The following A1CF variants were observed in gnomAD, a reference collection of about 807,000 sequenced individuals.
A1CF encodes the protein APOBEC-1 stimulating protein.
A1CF carries 48 observed loss-of-function variants against 68.9 expected under a neutral mutation model. The observed-to-expected ratio is 0.70, with a 90% confidence interval of 0.55 to 0.89. A1CF has a LOEUF of 0.89. Ranked by LOEUF, A1CF falls within the 40% of genes least tolerant of loss-of-function variation. A1CF has a pLI of 0.00. For missense variants in A1CF, 653 were observed against 718.9 expected (o/e 0.91, Z 1.05); for synonymous variants, 272 against 260.4 (o/e 1.04, Z -0.43).
At chr10:50,862,445 T>C (rs533015724) in intron 2 of A1CF, among the ~76,000 whole-genome samples, 1 of 152,286 alleles carries the variant, frequency 6.6e-6, no homozygotes, top group Non-Finnish European at 1.5e-5. Context: ...TAGCTGTTTT[T>C]AGGGACAGAA....
chr10:50,820,700 A>G (rs752384906), intron 7 of A1CF, 51 bp from the exon 8 acceptor site: 14 of 1,485,458 alleles, frequency 9.4e-6, no homozygotes, highest in Non-Finnish European at 1.2e-5. Flanking sequence ...GAGAGCCTTG[A>G]AAGTGATATA....
chr10:50,826,059 A>G (rs2132382317), intron 7 of A1CF, among the ~76,000 whole-genome samples: 1 of 152,260 alleles, frequency 6.6e-6, no homozygotes, highest in Non-Finnish European at 1.5e-5. Flanking sequence ...GGTGAGGCTG[A>G]GAAACCCTGC....
At chr10:50,832,505 A>G (rs180882220) in intron 6 of A1CF, among the ~76,000 whole-genome samples, 60 of 152,320 alleles carry the variant, frequency 3.9e-4, no homozygotes, top group African/African-American at 1.4e-3. Flanking sequence ...GAAGAGCTGC[A>G]TAAGGCTAAG....
At chr10:50,871,028 T>C (rs914786869) in intron 1 of A1CF, among the ~76,000 whole-genome samples, 1 of 151,734 alleles carries the variant, frequency 6.6e-6, no homozygotes, top group Non-Finnish European at 1.5e-5. Context: ...TGAAAGTTAA[T>C]ACCCAGTATT....
At chr10:50,873,539 T>C (rs1366856177) in intron 1 of A1CF, among the ~76,000 whole-genome samples, 1 of 152,210 alleles carries the variant, frequency 6.6e-6, no homozygotes, top group Non-Finnish European at 1.5e-5. Context: ...TATTCTTTAA[T>C]TTTTTGTTCC....
chr10:50,845,965 A>AC (rs1462235202), intron 3 of A1CF, among the ~76,000 whole-genome samples: 1 of 152,098 alleles, frequency 6.6e-6, no homozygotes, highest in Non-Finnish European at 1.5e-5. Flanking sequence ...AAAAAAAAAA[A>AC]AAAACTCCTT....
chr10:50,847,436 A>G lies in A1CF; in HGVS notation c.100-3314T>C, dbSNP rs186918054. Reference sequence around the variant, plus strand: ...GTACTTGGAAATTTCCTCCTATCACAGATATTTCAAGTCCTTCATGATGAA... The same window carrying G: ...GTACTTGGAAATTTCCTCCTATCACGGATATTTCAAGTCCTTCATGATGAA... On this transcript the variant is annotated intron_variant, in intron 3 of 12. Transcript: ENST00000373997. Among the ~76,000 whole-genome samples, 35 of 152,290 alleles carry G rather than the reference A, an allele frequency of 2.3e-4. 1 individual carries two copies. Among genetic ancestry groups the G allele is most frequent in the Admixed American group, 2.3e-3 (35 of 15,292 alleles).
intron 11 of A1CF, among the ~76,000 whole-genome samples, chr10:50,810,335 G>A (rs180846997): frequency 1.6e-4 from 25 of 152,288 alleles, no homozygotes; most frequent in Admixed American, 5.2e-4. Flanking sequence ...AGAAATGCAG[G>A]CTCAAGGTAA....
At chr10:50,820,419 A>G (rs1838591894) in intron 8 of A1CF, 133 bp downstream of exon 8, 1 of 639,808 alleles carries the variant, frequency 1.6e-6, no homozygotes, top group Admixed American at 3.3e-5. Context: ...TCTTTAGTAC[A>G]TCTTAAATGG....
rs1490841237 is a variant in A1CF at position 50,805,144 on chromosome 10, A to G, written c.*1585T>C. 2 of 152,220 alleles carry G rather than the reference A, an allele frequency of 1.3e-5. No individual in the cohort carries two copies. Among genetic ancestry groups the G allele is most frequent in the Non-Finnish European group, 2.9e-5 (2 of 68,034 alleles). The allele number at this position is 152,220 out of a possible 1,614,324, so 9.4% of individuals were successfully genotyped here. ...TGTGATTAAAATTTACCTGATTTTGATTAGAATCTGGCCTGCTTTTTGATC... is the reference window on the plus strand; with the variant it reads ...TGTGATTAAAATTTACCTGATTTTGGTTAGAATCTGGCCTGCTTTTTGATC... On this transcript the variant is annotated 3_prime_UTR_variant, in exon 13 of 13. Transcript: ENST00000373997.
At position 50,800,968 on chromosome 10, in the gene A1CF, A is replaced by C. The variant is rs538003290; in HGVS notation, c.*5761T>G. The C allele has an allele frequency of 6.6e-6, 1 of 152,308 alleles. No individual in the cohort carries two copies. Among genetic ancestry groups the C allele is most frequent in the East Asian group, 1.9e-4 (1 of 5,172 alleles). 9.4% of individuals were successfully genotyped at this position (152,308 alleles called of 1,614,324 possible). ...GTCTGTTTTGGGATAGAAGTAACTC[A>C]ACTCAAGGAAGAAAGAAACCAATAA... On this transcript the variant is annotated 3_prime_UTR_variant, in exon 13 of 13. Coordinates refer to ENST00000373997, the MANE Select transcript of A1CF (RefSeq NM_014576.4).
intron 3 of A1CF, among the ~76,000 whole-genome samples, chr10:50,847,865 A>T (rs1840068686): frequency 6.6e-6 from 1 of 152,122 alleles, no homozygotes; most frequent in South Asian, 2.1e-4. Flanking sequence ...TATCATGACA[A>T]TTATGTGATG....
intron 2 of A1CF, among the ~76,000 whole-genome samples, chr10:50,861,715 A>C (rs963757623): frequency 6.8e-6 from 1 of 147,918 alleles, no homozygotes; most frequent in Non-Finnish European, 1.5e-5. Context: ...CAATAGTAAT[A>C]TATTGTTATA....
chr10:50,811,907 C>G (rs967624681), intron 10 of A1CF, among the ~76,000 whole-genome samples: 1 of 152,122 alleles, frequency 6.6e-6, no homozygotes, highest in African/African-American at 2.4e-5. Flanking sequence ...CTGATGCTCT[C>G]GTTAGTCAGC....
intron 3 of A1CF, among the ~76,000 whole-genome samples, chr10:50,854,938 A>C (rs775412975): frequency 1.1e-4 from 16 of 151,908 alleles, no homozygotes; most frequent in Non-Finnish European, 2.1e-4. Flanking sequence ...AATACACACC[A>C]CATTTTAAAT....
rs1841969613 is a variant in A1CF, at chr10:50,885,602, C to T, written c.-115G>A. ...ATACCTGAGTAATTTCAGAGATCCC[C>T]ACCCGGAAAAGGTTTCCTTGATTAT... On this transcript the variant is annotated 5_prime_UTR_variant, in exon 1 of 13. Coordinates refer to ENST00000373997, the MANE Select transcript of A1CF (RefSeq NM_014576.4). 2 of 152,174 alleles carry T rather than the reference C, an allele frequency of 1.3e-5. No homozygotes were observed. Among genetic ancestry groups the T allele is most frequent in the African/African-American group, 4.8e-5 (2 of 41,442 alleles). 9.4% of individuals were successfully genotyped at this position (152,174 alleles called of 1,614,324 possible). A position where few individuals can be genotyped will look rare whatever the true frequency, so the allele number is the denominator to read the frequency against.
At chr10:50,843,954 G>A (rs752729231) in intron 4 of A1CF, 34 bp downstream of exon 4, 7 of 1,610,400 alleles carry the variant, frequency 4.3e-6, no homozygotes, top group East Asian at 2.2e-5. Context: ...TCCCTTGAAC[G>A]ATAAGAAAAA....
chr10:50,846,278 C>T (rs1168362631), intron 3 of A1CF, among the ~76,000 whole-genome samples: 1 of 152,024 alleles, frequency 6.6e-6, no homozygotes, highest in Non-Finnish European at 1.5e-5. Context: ...TACTTTGGGT[C>T]CCAACTCCAA....
rs746078263 is a variant in A1CF, at chr10:50,850,757, C to T, written c.100-6635G>A. 9.9e-6 allele frequency: 16 copies of T among 1,614,178 alleles called. No homozygotes were observed. In the Middle Eastern group the frequency reaches 1.2e-3, roughly 116 times the overall value. On this transcript the variant is annotated intron_variant, in intron 3 of 12. Coordinates refer to ENST00000373997, the MANE Select transcript of A1CF (RefSeq NM_014576.4). ...GCTGTGCTCATGCTCGCTTCTGGCT[C>T]TGGGCATGTGCCCAGACACACTGCT... is the stretch of plus-strand genomic sequence containing the variant.
Sources: gnomAD v4.1 joint callset for allele counts (sites outside exome capture counted in the v4.1 genomes callset) on GRCh38, gnomAD v4.1.1 for gene constraint, MANE v1.5 for transcripts, NCBI Gene and HGNC (gene_info 2026-07-23, HGNC 2026-07-21) for gene names.